SERPINI2: variants seen among roughly 807,000 people sequenced by gnomAD.
SERPINI2 encodes the protein serpin family I member 2.
SERPINI2 carries 48 observed loss-of-function variants against 47.3 expected under a neutral mutation model. The observed-to-expected ratio is 1.02, with a 90% CI of 0.81 to 1.29. The LOEUF (loss-of-function observed/expected upper bound fraction) is 1.29. Among genes scored for constraint, SERPINI2 ranks in the 50% most tolerant of loss-of-function variants. SERPINI2 has a pLI of 0.00. For synonymous variants in SERPINI2, 135 were observed against 149.3 expected (o/e 0.90, Z 0.70); for missense variants, 448 against 456.9 (o/e 0.98, Z 0.18).
chr3:167,444,488 T>A (rs1425144862), intron 8 of SERPINI2, among the ~76,000 whole-genome samples: 1 of 152,184 alleles, frequency 6.6e-6, no homozygotes, highest in African/African-American at 2.4e-5. Flanking sequence ...ACACTTTATG[T>A]ATACCATGAA....
chr3:167,476,658 C>T (rs1191939589), upstream of SERPINI2, among the ~76,000 whole-genome samples: 1 of 151,958 alleles, frequency 6.6e-6, no homozygotes, highest in Non-Finnish European at 1.5e-5. Flanking sequence ...AAAAAATATG[C>T]CAGATTATGA....
At chr3:167,471,999 T>A (rs1750341280) in intron 1 of SERPINI2, 155 bp from the exon 2 acceptor site, 1 of 571,500 alleles carries the variant, frequency 1.7e-6, no homozygotes, top group African/African-American at 1.9e-5. Context: ...TATCATCTAT[T>A]CAGAAAAATA....
At chr3:167,459,826 T>A (rs1749935402) in intron 5 of SERPINI2, among the ~76,000 whole-genome samples, 1 of 152,138 alleles carries the variant, frequency 6.6e-6, no homozygotes, top group African/African-American at 2.4e-5. Flanking sequence ...ACCCCCAGTA[T>A]CTTTTAATGT....
intron 5 of SERPINI2, among the ~76,000 whole-genome samples, chr3:167,461,163 A>C (rs1749970779): frequency 6.6e-6 from 1 of 152,168 alleles, no homozygotes; most frequent in South Asian, 2.1e-4. Context: ...GCCACACAGA[A>C]GAGAAAGGAG....
At chr3:167,459,299 C>T (rs989269194) in intron 5 of SERPINI2, among the ~76,000 whole-genome samples, 1 of 152,036 alleles carries the variant, frequency 6.6e-6, no homozygotes, top group Non-Finnish European at 1.5e-5. Flanking sequence ...TGGTCTCGAT[C>T]TCCTGACCTC....
intron 5 of SERPINI2, among the ~76,000 whole-genome samples, chr3:167,456,452 C>G (rs1182795448): frequency 3.3e-5 from 5 of 152,154 alleles, no homozygotes; most frequent in Admixed American, 3.3e-4. Flanking sequence ...CTGGCCAAGC[C>G]TAGAATTAAT....
At chr3:167,475,725 G>GC (rs1395405140), upstream of SERPINI2, among the ~76,000 whole-genome samples, 9 of 149,278 alleles carry the variant, frequency 6.0e-5, 1 homozygote, top group East Asian at 4.1e-4. Context: ...TAGAAAATCG[G>GC]GGTGGGGGGA....
At chr3:167,460,089 G>T (rs1166414711) in intron 5 of SERPINI2, among the ~76,000 whole-genome samples, 1 of 152,194 alleles carries the variant, frequency 6.6e-6, no homozygotes, top group African/African-American at 2.4e-5. Context: ...TTAGCCTCCA[G>T]ACTGTGAGAG....
intron 2 of SERPINI2, among the ~76,000 whole-genome samples, chr3:167,470,643 C>T (rs1168153913): frequency 6.9e-6 from 1 of 145,886 alleles, no homozygotes; most frequent in Non-Finnish European, 1.5e-5. Context: ...CTCACTGCAA[C>T]CTCTGCCTCT....
chr3:167,465,569 T>C (rs1394366006), exon 4 of SERPINI2: 1 of 1,613,800 alleles, frequency 6.2e-7, no homozygotes, highest in Non-Finnish European at 8.5e-7. Context: ...GTGTCCTCTT[T>C]TCTGAATTTC....
At chr3:167,460,358 G>A (rs1475416841) in intron 5 of SERPINI2, among the ~76,000 whole-genome samples, 1 of 152,026 alleles carries the variant, frequency 6.6e-6, no homozygotes, top group Non-Finnish European at 1.5e-5. Flanking sequence ...ATTTTAAACG[G>A]GTATTTTTCT....
At chr3:167,465,945 T>C (rs1750122336) in intron 3 of SERPINI2, among the ~76,000 whole-genome samples, 1 of 152,200 alleles carries the variant, frequency 6.6e-6, no homozygotes, top group Non-Finnish European at 1.5e-5. Context: ...TAAGATCATT[T>C]GTAACCATTG....
intron 2 of SERPINI2, among the ~76,000 whole-genome samples, chr3:167,467,692 A>G (rs2108170939): frequency 6.6e-6 from 1 of 152,318 alleles, no homozygotes; most frequent in South Asian, 2.1e-4. Context: ...GGGGCATGAC[A>G]GTGATGAGCA....
intron 6 of SERPINI2, among the ~76,000 whole-genome samples, chr3:167,449,606 C>T (rs1174219161): frequency 1.3e-5 from 2 of 152,038 alleles, no homozygotes; most frequent in Non-Finnish European, 2.9e-5. Context: ...ACGATTCTAC[C>T]ATTCAGCCTC....
rs1361437818 is a variant in SERPINI2, at chr3:167,467,286, C to G, written c.248-1G>C. On this transcript the variant is annotated splice_acceptor_variant, in intron 2 of 8. Transcript: ENST00000264677. LOFTEE classifies it high-confidence loss of function. ...GACTTCAGTACAAAAAATTCTTCCC[C>G]TAGAAAATAATTTTAATGTATATTG... The G allele has an allele frequency of 6.3e-7, 1 of 1,599,212 alleles. No homozygotes were observed. Among genetic ancestry groups the G allele is most frequent in the Non-Finnish European group, 8.5e-7 (1 of 1,171,040 alleles).
chr3:167,469,036 AAACTGTTG>A (rs1750233746), intron 2 of SERPINI2, among the ~76,000 whole-genome samples: 1 of 152,208 alleles, frequency 6.6e-6, no homozygotes, highest in African/African-American at 2.4e-5. Context: ...GCCCTTTGAT[AAACTGTTG>A]AACTCAGAAG....
chr3:167,452,964 A>G (rs1577169841), exon 6 of SERPINI2: 2 of 1,606,904 alleles, frequency 1.2e-6, no homozygotes, highest in South Asian at 1.1e-5. Context: ...CGCAGCCACC[A>G]CTAAATATCT....
rs1419990795 is a variant in SERPINI2, at chr3:167,443,281, G to A, written c.1142-1096C>T. Among the ~76,000 whole-genome samples, 3 of 152,072 alleles carry A rather than the reference G, an allele frequency of 2.0e-5. No homozygotes were observed. The East Asian group carries it at 5.8e-4, about 30-fold the overall frequency. On this transcript the variant is annotated intron_variant, in intron 8 of 8. Coordinates refer to ENST00000264677, the Ensembl canonical transcript of SERPINI2. ...CGCCACCACGCCTGGCTAATTTTTT[G>A]TATTTTTAGTAGAGACAGGGCTTCA...
intron 2 of SERPINI2, among the ~76,000 whole-genome samples, chr3:167,470,739 T>A (rs1750291758): frequency 6.6e-6 from 1 of 151,866 alleles, no homozygotes; most frequent in South Asian, 2.1e-4. Context: ...TTTTTGTATT[T>A]TTCCAGCCTG....
Sources: allele counts gnomAD v4.1 joint callset (sites outside exome capture counted in the v4.1 genomes callset), GRCh38; gene constraint gnomAD v4.1.1; transcripts MANE v1.5; gene names NCBI Gene and HGNC (gene_info 2026-07-23, HGNC 2026-07-21).